Variants in ANGPTL6 observed in about 807,000 individuals in gnomAD.
ANGPTL6 encodes the protein angiopoietin-related protein 6.
Under a neutral mutation model 47.4 loss-of-function variants are expected in ANGPTL6, and 45 were observed. The ratio of observed to expected loss-of-function variants is 0.95; its 90% CI spans 0.75 to 1.22. ANGPTL6 has a LOEUF of 1.22. Among genes scored for constraint, ANGPTL6 ranks in the 50% most tolerant of loss-of-function variants. The pLI is 0.00. For synonymous variants in ANGPTL6, 290 were observed against 295.9 expected (o/e 0.98, Z 0.20); for missense variants, 698 against 669.4 (o/e 1.04, Z -0.47).
intron 5 of ANGPTL6, chr19:10,093,101 C>T (rs139370588): frequency 2.9e-5 from 16 of 551,492 alleles, no homozygotes; most frequent in African/African-American, 2.4e-4. Flanking sequence ...AGTACTAGCT[C>T]TCACCCTCTG....
At position 10,094,874 on chromosome 19, in the gene ANGPTL6, G is replaced by A. The variant is rs2088490016; in HGVS notation, c.647C>T (p.Thr216Ile). 1.9e-6 allele frequency: 3 copies of A among 1,614,198 alleles called. No homozygotes were observed. The highest frequency in any genetic ancestry group is 1.7e-6 in the Non-Finnish European group (2 of 1,180,024). ...PVRLVGSTSD[T>I]SRMLDPAPEP... ...TGGGGCTGGGTCCAGCATCCTACTG[G>A]TGTCACTGGTGCTACCCACAAGACG... The change falls in exon 3 of 6, where the codon ACC becomes ATC. Residue 216 changes from threonine (T) to isoleucine (I), a missense_variant. Transcript: ENST00000253109.
intron 2 of ANGPTL6, among the ~76,000 whole-genome samples, chr19:10,095,631 C>A (rs1399745779): frequency 6.6e-6 from 1 of 152,104 alleles, no homozygotes; most frequent in Non-Finnish European, 1.5e-5. Flanking sequence ...GACCAGGACA[C>A]GTTCCAGAAT....
At chr19:10,097,211 G>A (rs889785580) in intron 1 of ANGPTL6, among the ~76,000 whole-genome samples, 2 of 152,154 alleles carry the variant, frequency 1.3e-5, no homozygotes, top group African/African-American at 2.4e-5. Flanking sequence ...TTGGAGACCA[G>A]CCTAGACAAC....
At position 10,092,755 on chromosome 19, in the gene ANGPTL6, C is replaced by A; in HGVS notation, c.1247G>T (p.Gly416Val). 6.2e-7 allele frequency: 1 copy of A among 1,608,918 alleles called. No homozygotes were observed. The highest frequency in any genetic ancestry group is 1.1e-5 in the South Asian group (1 of 90,878). Reference sequence around the variant, plus strand: ...GGCACAGGCATGGTACCACCAGCCTCCCCGCTGGTACAGGGCACAGTTACC... The same window carrying A: ...GGCACAGGCATGGTACCACCAGCCTACCCGCTGGTACAGGGCACAGTTACC... ...YSGNCALYQR[G>V]GWWYHACAHS... The change falls in exon 6 of 6, where the codon GGA becomes GTA. Residue 416 changes from glycine to valine, a missense_variant. Coordinates refer to ENST00000253109, the MANE Select transcript of ANGPTL6 (RefSeq NM_031917.3).
Position 10,096,303 on chromosome 19 carries a change from G to T in ANGPTL6, c.261C>A (p.Gly87=). The change falls in exon 2 of 6, where the codon GGC becomes GGA. Residue 87 remains glycine (G), a synonymous_variant. Coordinates refer to ENST00000253109, the MANE Select transcript of ANGPTL6 (RefSeq NM_031917.3). Reference sequence around the variant, plus strand: ...GCGCGCGCACCTCGCCGGCCACGGCGCCGTCGGCCGCCGCCAGCCTCTGCA... The same window carrying T: ...GCGCGCGCACCTCGCCGGCCACGGCTCCGTCGGCCGCCGCCAGCCTCTGCA... The part of the protein sequence containing the change: ...RELQRLAAAD[G]AVAGEVRALR... 1 of 1,235,616 alleles carries T rather than the reference G, an allele frequency of 8.1e-7. No individual in the cohort carries two copies. Among genetic ancestry groups the T allele is most frequent in the Non-Finnish European group, 1.0e-6 (1 of 991,486 alleles). The allele number at this position is 1,235,616 out of a possible 1,614,324, so 76.5% of individuals were successfully genotyped here. A position where few individuals can be genotyped will look rare whatever the true frequency, so the allele number is the denominator to read the frequency against.
intron 1 of ANGPTL6, among the ~76,000 whole-genome samples, chr19:10,101,928 ATTCCGTCTCTACT>A: frequency 6.8e-6 from 1 of 147,772 alleles, no homozygotes; most frequent in African/African-American, 2.5e-5. Flanking sequence ...ACACAGTGAA[ATTCCGTCTCTACT>A]AAAAATACAA....
chr19:10,106,170 C>T, upstream of ANGPTL6: 2 of 743,236 alleles, frequency 2.7e-6, no homozygotes, highest in Non-Finnish European at 4.1e-6. Context: ...ATTCGTTTCT[C>T]TGCAGCCCGG....
chr19:10,096,332 C>G lies in ANGPTL6; in HGVS notation c.232G>C (p.Glu78Gln), dbSNP rs1485473683. The G allele has an allele frequency of 7.0e-6, 9 of 1,282,300 alleles. No homozygotes were observed. The highest frequency in any genetic ancestry group is 7.9e-6 in the Non-Finnish European group (8 of 1,019,080). 79.4% of individuals were successfully genotyped at this position (1,282,300 alleles called of 1,614,324 possible). ...TCGGCCGCCGCCAGCCTCTGCAGCT[C>G]GCGTAACAGCTCCTCGTGGCGGCCG... Reference protein sequence around the residue: ...RVGRHEELLRELQRLAAADGA... With the variant: ...RVGRHEELLRQLQRLAAADGA... The change falls in exon 2 of 6, where the codon GAG becomes CAG. Residue 78 changes from glutamate to glutamine, a missense_variant. Transcript: ENST00000253109.
In ANGPTL6 at chr19:10,093,691, A is replaced by G; in HGVS notation, c.951+2T>C. 1 of 1,614,170 alleles carries G rather than the reference A, an allele frequency of 6.2e-7. No individual in the cohort carries two copies. The highest frequency in any genetic ancestry group is 1.3e-5 in the African/African-American group (1 of 75,048). ...TCCCTGCCTCTGCCCACCTGTGCCCACCTTATAGTGCTGCCAGGTAGTGAA... is the reference window on the plus strand; with the variant it reads ...TCCCTGCCTCTGCCCACCTGTGCCCGCCTTATAGTGCTGCCAGGTAGTGAA... On this transcript the variant is annotated splice_donor_variant, in intron 4 of 5. Transcript: ENST00000253109. LOFTEE classifies it high-confidence loss of function.
In ANGPTL6 at chr19:10,096,491, G is replaced by A; in HGVS notation, c.73C>T (p.Pro25Ser). Residue 25 changes from proline to serine, a missense_variant, in exon 2 of 6, where the codon CCG (proline) becomes TCG (serine). Transcript: ENST00000253109. ...LGASWARAGAPRCTYTFVLPP... is the reference protein window; with the variant it reads ...LGASWARAGASRCTYTFVLPP... The stretch of plus-strand genomic sequence containing the variant: ...AGCACGAAGGTGTAGGTGCAGCGCG[G>A]GGCGCCCGCCCGCGCCCACGACGCG... 6.6e-7 allele frequency: 1 copy of A among 1,511,068 alleles called. No homozygotes were observed. Among genetic ancestry groups the A allele is most frequent in the South Asian group, 1.2e-5 (1 of 82,716 alleles). The allele number at this position is 1,511,068 out of a possible 1,614,324, so 93.6% of individuals were successfully genotyped here.
intron 1 of ANGPTL6, 109 bp downstream of exon 1, chr19:10,102,459 A>T: frequency 1.4e-6 from 1 of 693,382 alleles, no homozygotes; most frequent in Non-Finnish European, 1.8e-6. Flanking sequence ...GCTGCCTTTT[A>T]CACTCTCAGC....
chr19:10,095,730 A>T (rs2088511915), intron 2 of ANGPTL6, among the ~76,000 whole-genome samples: 1 of 152,184 alleles, frequency 6.6e-6, no homozygotes, highest in Non-Finnish European at 1.5e-5. Context: ...ACACTCCTAA[A>T]GGGGTTTTTG....
intron 1 of ANGPTL6, among the ~76,000 whole-genome samples, chr19:10,097,180 C>T (rs949559888): frequency 6.6e-6 from 1 of 151,880 alleles, no homozygotes; most frequent in African/African-American, 2.4e-5. Flanking sequence ...CCGAGGTGGG[C>T]TGATCACTTG....
chr19:10,102,275 A>C (rs2088700014), intron 1 of ANGPTL6, among the ~76,000 whole-genome samples: 1 of 151,530 alleles, frequency 6.6e-6, no homozygotes, highest in Non-Finnish European at 1.5e-5. Context: ...GGCAGGAGCC[A>C]TGGAGGGTTC....
At chr19:10,104,317 G>GTAT (rs60395358), upstream of ANGPTL6, among the ~76,000 whole-genome samples, 2 of 117,966 alleles carry the variant, frequency 1.7e-5, no homozygotes, top group African/African-American at 3.5e-5. Flanking sequence ...TTGTGTGTGT[G>GTAT]GTGTGTGTGT....
Position 10,093,338 on chromosome 19 carries a change from G to A in ANGPTL6, c.1222+11C>T, listed in dbSNP as rs1555754264. ...CCCCTATCCTCTCACCAGAATAGGA[G>A]TTCTCCTTACCAGAATAGGAGTCTC... On this transcript the variant is annotated intron_variant, in intron 5 of 5. Coordinates refer to ENST00000253109, the MANE Select transcript of ANGPTL6 (RefSeq NM_031917.3). 3.7e-6 allele frequency: 6 copies of A among 1,608,076 alleles called. No homozygotes were observed. Among genetic ancestry groups the A allele is most frequent in the Non-Finnish European group, 8.5e-7 (1 of 1,175,402 alleles).
rs768116081 is a variant in ANGPTL6, at chr19:10,094,754, T to C, written c.763+4A>G. 1.8e-5 allele frequency: 29 copies of C among 1,612,252 alleles called. No individual in the cohort carries two copies. Among genetic ancestry groups the C allele is most frequent in the Non-Finnish European group, 1.2e-5 (14 of 1,178,852 alleles). On this transcript the variant is annotated splice_donor_region_variant and intron_variant, in intron 3 of 5. Transcript: ENST00000253109. ...ACAATTCCTCAGCCCTAATGTCGACTTACCCACAGGCTTGGTGGGGACCGC... is the reference window on the plus strand; with the variant it reads ...ACAATTCCTCAGCCCTAATGTCGACCTACCCACAGGCTTGGTGGGGACCGC...
Position 10,096,576 on chromosome 19 carries a change from G to A in ANGPTL6, c.-10-3C>T, listed in dbSNP as rs1300957940. On this transcript the variant is annotated splice_polypyrimidine_tract_variant and splice_region_variant and intron_variant, in intron 1 of 5. Transcript: ENST00000253109. ...AGGGCTTCCCCATCGCGGCGGACCT[G>A]CAGGCAGAGGAGGAACGGAAGGAAG... 6.7e-7 allele frequency: 1 copy of A among 1,489,344 alleles called. No individual in the cohort carries two copies. The highest frequency in any genetic ancestry group is 2.3e-5 in the Admixed American group (1 of 43,818). 92.3% of individuals were successfully genotyped at this position (1,489,344 alleles called of 1,614,324 possible). A position where few individuals can be genotyped will look rare whatever the true frequency, so the allele number is the denominator to read the frequency against.
At position 10,092,676 on chromosome 19, in the gene ANGPTL6, G is replaced by A. The variant is rs1408245424; in HGVS notation, c.1326C>T (p.Tyr442=). The A allele has an allele frequency of 6.2e-7, 1 of 1,614,044 alleles. No individual in the cohort carries two copies. Among genetic ancestry groups the A allele is most frequent in the South Asian group, 1.1e-5 (1 of 91,078 alleles). ...WHHGGHYRSR[Y]QDGVYWAEFR... ...ACTCAGCCCAGTAGACACCATCCTG[G>A]TAGCGGCTTCGGTAGTGGCCGCCGT... is the stretch of plus-strand genomic sequence containing the variant. Residue 442 remains tyrosine (Y), a synonymous_variant, in exon 6 of 6, where the codon TAC becomes TAT. Coordinates refer to ENST00000253109, the MANE Select transcript of ANGPTL6 (RefSeq NM_031917.3).
Sources: gnomAD v4.1 joint callset for allele counts (sites outside exome capture counted in the v4.1 genomes callset) on GRCh38, gnomAD v4.1.1 for gene constraint, MANE v1.5 for transcripts, NCBI Gene and HGNC (gene_info 2026-07-23, HGNC 2026-07-21) for gene names.